KDM5A: variants seen among roughly 807,000 people sequenced by gnomAD.
KDM5A encodes the protein lysine demethylase 5A.
KDM5A carries 42 observed loss-of-function variants against 193.5 expected under a neutral mutation model. The observed-to-expected ratio is 0.22, with a 90% CI of 0.17 to 0.28. The LOEUF is 0.28. Among genes scored for constraint, KDM5A ranks in the 10% least tolerant of loss-of-function variants. The pLI is 1.00. For missense variants in KDM5A, 1,692 were observed against 2,055.1 expected, an observed-to-expected ratio of 0.82 and a Z score of 3.42; for synonymous variants, 796 against 718.1, an observed-to-expected ratio of 1.11 and a Z score of -1.73.
At chr12:375,867 T>TA (rs1311829967) in intron 3 of KDM5A, among the ~76,000 whole-genome samples, 1 of 152,226 alleles carries the variant, frequency 6.6e-6, no homozygotes, top group African/African-American at 2.4e-5. Context: ...TTTGCCTGTG[T>TA]ATCAGCAGCG....
At chr12:360,472 A>G (rs141692178) in intron 5 of KDM5A, among the ~76,000 whole-genome samples, 31 of 152,306 alleles carry the variant, frequency 2.0e-4, no homozygotes, top group African/African-American at 7.0e-4. Flanking sequence ...GTATCACACA[A>G]ATGAAAGAAA....
At chr12:355,359 T>C (rs994998427) in intron 6 of KDM5A, 110 bp from the exon 7 acceptor site, 6 of 726,772 alleles carry the variant, frequency 8.3e-6, no homozygotes, top group Middle Eastern at 5.7e-4. Context: ...CAACTGTTTA[T>C]CTAGAGGTAG....
intron 19 of KDM5A, among the ~76,000 whole-genome samples, chr12:316,397 C>G (rs1943651121): frequency 6.6e-6 from 1 of 152,174 alleles, no homozygotes; most frequent in African/African-American, 2.4e-5. Flanking sequence ...GTAGCAGGTT[C>G]TCCATCAATA....
chr12:294,669 C>A (rs1236435659), intron 26 of KDM5A, among the ~76,000 whole-genome samples: 3 of 152,138 alleles, frequency 2.0e-5, no homozygotes, highest in Non-Finnish European at 4.4e-5. Flanking sequence ...GGTGACATGG[C>A]ACCATTCCAT....
intron 27 of KDM5A, 100 bp from the exon 28 acceptor site, chr12:285,762 A>C: frequency 2.0e-6 from 2 of 1,017,426 alleles, no homozygotes; most frequent in Non-Finnish European, 3.1e-6. Context: ...ATAGCAAACA[A>C]CTGGGATGTC....
chr12:318,518 G>C, intron 18 of KDM5A, 57 bp from the exon 19 acceptor site: 8 of 1,302,084 alleles, frequency 6.1e-6, no homozygotes, highest in Non-Finnish European at 7.8e-6. Context: ...ATACAAAAGA[G>C]TATGAAATAG....
chr12:362,658 C>T lies in KDM5A; in HGVS notation c.672+305G>A, dbSNP rs76913514. ...ACAAAGAACTTTCTAAATCAAATTA[C>T]GCCACATTTCACAATTTATTCTCCA... On this transcript the variant is annotated intron_variant, in intron 5 of 27. Transcript: ENST00000399788. Among the ~76,000 whole-genome samples the T allele has an allele frequency of 6.3e-3, 963 of 152,338 alleles. 14 individuals are homozygous for T. Among genetic ancestry groups the T allele is most frequent in the African/African-American group, 0.022 (895 of 41,576 alleles).
At chr12:375,893 C>T (rs1376807100) in intron 3 of KDM5A, among the ~76,000 whole-genome samples, 2 of 152,216 alleles carry the variant, frequency 1.3e-5, no homozygotes, top group Non-Finnish European at 2.9e-5. Flanking sequence ...TGTAGAACAG[C>T]GAATGTTGCC....
rs192681128 is a variant in KDM5A at position 337,804 on chromosome 12, G to A, written c.1309-3382C>T. On this transcript the variant is annotated intron_variant, in intron 10 of 27. Transcript: ENST00000399788. ...ATTACAGGCACCTGCCACCATGCCC[G>A]GCTAATTTTTGTGTTCTCAGTAGAG... 3.3e-5 allele frequency among the ~76,000 whole-genome samples: 5 copies of A among 151,846 alleles called. No homozygotes were observed. The South Asian group carries it at 8.3e-4, about 25-fold the overall frequency.
At position 362,990 on chromosome 12, in the gene KDM5A, C is replaced by T. The variant is rs756206075; in HGVS notation, c.645G>A (p.Pro215=). 3.1e-6 allele frequency: 5 copies of T among 1,614,164 alleles called. No homozygotes were observed. Among genetic ancestry groups the T allele is most frequent in the East Asian group, 2.2e-5 (1 of 44,884 alleles). The change falls in exon 5 of 28, where the codon CCG becomes CCA. Residue 215 remains proline, a synonymous_variant. Transcript: ENST00000399788. ...GAGTCTTCACACGTCTTGTTCTCTT[C>T]GGCAGAATGTTCATCCTTGTGCCTG... The part of the protein sequence containing the change: ...PEPGTRMNIL[P]KRTRRVKTQS...
intron 18 of KDM5A, 97 bp downstream of exon 18, chr12:320,898 G>A: frequency 1.1e-6 from 1 of 886,236 alleles, no homozygotes. Flanking sequence ...AAAAAAATCA[G>A]AGCAAAAAAC....
intron 10 of KDM5A, among the ~76,000 whole-genome samples, chr12:346,871 TCTC>T (rs1944084236): frequency 6.6e-6 from 1 of 152,188 alleles, no homozygotes; most frequent in Non-Finnish European, 1.5e-5. Flanking sequence ...AAGGATGTCT[TCTC>T]TCACCACTCC....
At position 288,490 on chromosome 12, in the gene KDM5A, T is replaced by C. The variant is rs556500654; in HGVS notation, c.4867-2828A>G. Among the ~76,000 whole-genome samples, 15 of 152,316 alleles carry C rather than the reference T, an allele frequency of 9.8e-5. 1 individual carries two copies. In the South Asian group the frequency reaches 3.1e-3, roughly 32 times the overall value. ...ATATATTAAAAAGAGGAAATATTAGTTTAATATTCATGTTTTGCTGTATGG... is the reference window on the plus strand; with the variant it reads ...ATATATTAAAAAGAGGAAATATTAGCTTAATATTCATGTTTTGCTGTATGG... On this transcript the variant is annotated intron_variant, in intron 27 of 27. Coordinates refer to ENST00000399788, the MANE Select transcript of KDM5A (RefSeq NM_001042603.3).
At chr12:386,992 ATTTT>A (rs898572214) in intron 1 of KDM5A, among the ~76,000 whole-genome samples, 1 of 151,992 alleles carries the variant, frequency 6.6e-6, no homozygotes, top group Admixed American at 6.6e-5. Context: ...TATTTAAACG[ATTTT>A]TTTTATGTTA....
chr12:313,373 A>G (rs1485092793), intron 19 of KDM5A, among the ~76,000 whole-genome samples, 179 bp from the exon 20 acceptor site: 2 of 152,240 alleles, frequency 1.3e-5, no homozygotes, highest in Non-Finnish European at 2.9e-5. Context: ...AACTTCACAG[A>G]TAAGAAAAGG....
chr12:298,587 G>A (rs1423022865), intron 24 of KDM5A, among the ~76,000 whole-genome samples: 2 of 152,160 alleles, frequency 1.3e-5, no homozygotes, highest in Non-Finnish European at 2.9e-5. Flanking sequence ...CCACGAAGAT[G>A]GGGAGAAACC....
intron 10 of KDM5A, among the ~76,000 whole-genome samples, chr12:336,730 A>G (rs910573577): frequency 4.0e-5 from 6 of 151,718 alleles, no homozygotes; most frequent in Admixed American, 2.6e-4. Context: ...GGCCCCAGAT[A>G]CTCAGGAGGC....
intron 13 of KDM5A, 134 bp from the exon 14 acceptor site, chr12:329,163 A>G: frequency 1.3e-6 from 1 of 756,788 alleles, no homozygotes; most frequent in East Asian, 2.7e-5. Context: ...TAAAGAGGCA[A>G]TATTCTATTA....
At chr12:312,393 T>C (rs1450520661) in intron 20 of KDM5A, among the ~76,000 whole-genome samples, 1 of 152,226 alleles carries the variant, frequency 6.6e-6, no homozygotes, top group African/African-American at 2.4e-5. Context: ...TCAGTAAATG[T>C]TAATTTCATT....
Sources: gnomAD v4.1 joint callset for allele counts (sites outside exome capture counted in the v4.1 genomes callset) on GRCh38, gnomAD v4.1.1 for gene constraint, MANE v1.5 for transcripts, NCBI Gene and HGNC (gene_info 2026-07-23, HGNC 2026-07-21) for gene names.